The following CTNNA3 variants were observed in gnomAD, a reference collection of about 807,000 sequenced individuals.
CTNNA3 encodes catenin alpha-3.
A neutral mutation model predicts 95.7 loss-of-function variants in CTNNA3; 76 were observed. The observed-to-expected ratio is 0.79, with a 90% confidence interval of 0.66 to 0.96. The LOEUF is 0.96. CTNNA3 is among the 40% of genes least tolerant of loss of function. The probability of loss-of-function intolerance (pLI) is 0.00; values close to 1 mark genes in which losing one functional copy is unlikely to be tolerated. For missense variants in CTNNA3, 1,191 were observed against 1,089.8 expected (o/e 1.09, Z -1.31); for synonymous variants, 431 against 374.4 (o/e 1.15, Z -1.74).
intron 5 of CTNNA3, among the ~76,000 whole-genome samples, chr10:67,437,107 T>C (rs548694847): frequency 6.6e-6 from 1 of 152,252 alleles, no homozygotes; most frequent in Non-Finnish European, 1.5e-5. Context: ...ATAAAGAAAC[T>C]GCAGTAAATA....
At chr10:66,315,560 C>A (rs763451404) in intron 12 of CTNNA3, among the ~76,000 whole-genome samples, 1 of 151,458 alleles carries the variant, frequency 6.6e-6, no homozygotes, top group Non-Finnish European at 1.5e-5. Flanking sequence ...GAACACTGAT[C>A]GTAACTTGGT....
chr10:66,301,595 A>G (rs1323274919), intron 12 of CTNNA3, among the ~76,000 whole-genome samples: 1 of 151,946 alleles, frequency 6.6e-6, no homozygotes, highest in African/African-American at 2.4e-5. Context: ...ACTATAATCC[A>G]TCATATCATT....
intron 10 of CTNNA3, among the ~76,000 whole-genome samples, chr10:66,619,883 A>G (rs1564572880): frequency 6.6e-6 from 1 of 152,106 alleles, no homozygotes; most frequent in African/African-American, 2.4e-5. Context: ...ATGTGTATAC[A>G]AATATATATT....
intron 13 of CTNNA3, among the ~76,000 whole-genome samples, chr10:66,150,279 A>G (rs1249475319): frequency 6.6e-6 from 1 of 152,168 alleles, no homozygotes; most frequent in Admixed American, 6.6e-5. Flanking sequence ...GGCACCATCC[A>G]TGTAAGATGT....
At chr10:66,852,848 C>A (rs1334782978) in intron 7 of CTNNA3, among the ~76,000 whole-genome samples, 1 of 152,086 alleles carries the variant, frequency 6.6e-6, no homozygotes, top group Non-Finnish European at 1.5e-5. Flanking sequence ...TGAAGCATTG[C>A]ATTAGCAGTA....
At chr10:67,677,354 TACAC>T (rs1166006475) in intron 1 of CTNNA3, among the ~76,000 whole-genome samples, 1 of 152,182 alleles carries the variant, frequency 6.6e-6, no homozygotes, top group African/African-American at 2.4e-5. Flanking sequence ...GGGACATACT[TACAC>T]ACGCACGCAT....
chr10:66,199,807 T>TATATA (rs2087269612), intron 13 of CTNNA3, among the ~76,000 whole-genome samples: 2 of 14,910 alleles, frequency 1.3e-4, no homozygotes, highest in African/African-American at 2.6e-4. Context: ...ATATATATAT[T>TATATA]TTTTTTTTTT....
chr10:67,760,920 T>C (rs746531014), intron 1 of CTNNA3, among the ~76,000 whole-genome samples: 4 of 152,192 alleles, frequency 2.6e-5, no homozygotes, highest in Non-Finnish European at 5.9e-5. Context: ...TGTATTTCAT[T>C]ATATATTACA....
rs77622072 is a variant in CTNNA3 at position 66,041,376 on chromosome 10, T to C, written c.2159+27932A>G. On this transcript the variant is annotated intron_variant, in intron 15 of 17. Coordinates refer to ENST00000433211, the MANE Select transcript of CTNNA3 (RefSeq NM_013266.4). ...AGTTCCAATTAGGCCTGTTTAATAG[T>C]AATTAATAGCAGTAATAATAACATT... Among the ~76,000 whole-genome samples the C allele has an allele frequency of 3.2e-3, 486 of 152,260 alleles. 5 individuals are homozygous for C. Among genetic ancestry groups the C allele is most frequent in the African/African-American group, 0.011 (464 of 41,546 alleles).
intron 13 of CTNNA3, among the ~76,000 whole-genome samples, chr10:66,119,745 A>C (rs1178908937): frequency 2.1e-5 from 3 of 142,518 alleles, no homozygotes; most frequent in South Asian, 4.4e-4. Flanking sequence ...GTATTCAATC[A>C]ATTTTTTTTA....
At chr10:66,887,989 G>A (rs140620491) in intron 7 of CTNNA3, among the ~76,000 whole-genome samples, 4 of 152,276 alleles carry the variant, frequency 2.6e-5, no homozygotes, top group African/African-American at 9.6e-5. Flanking sequence ...CTGTGCAGAT[G>A]TGACTAATGG....
intron 15 of CTNNA3, among the ~76,000 whole-genome samples, chr10:66,061,892 A>C (rs918397775): frequency 6.6e-6 from 1 of 152,162 alleles, no homozygotes; most frequent in Non-Finnish European, 1.5e-5. Context: ...ACAACACATA[A>C]CATAATTATT....
chr10:66,076,180 T>C (rs1021146805), intron 14 of CTNNA3, among the ~76,000 whole-genome samples: 2 of 151,688 alleles, frequency 1.3e-5, no homozygotes, highest in Non-Finnish European at 3.0e-5. Flanking sequence ...TCAAATTTAA[T>C]AGTGACATGT....
intron 17 of CTNNA3, among the ~76,000 whole-genome samples, chr10:65,947,108 G>T: frequency 1.4e-5 from 2 of 148,054 alleles, no homozygotes; most frequent in Non-Finnish European, 1.5e-5. Context: ...TTTTTTTGTA[G>T]AATTCATCCA....
intron 16 of CTNNA3, 63 bp downstream of exon 16, chr10:65,988,629 A>G (rs1383355533): frequency 6.0e-6 from 8 of 1,330,628 alleles, no homozygotes; most frequent in Non-Finnish European, 5.3e-6. Context: ...GCCTAAATCA[A>G]TGTTCTAATG....
chr10:65,941,658 G>C (rs2077431905), intron 17 of CTNNA3, among the ~76,000 whole-genome samples: 1 of 152,134 alleles, frequency 6.6e-6, no homozygotes, highest in Non-Finnish European at 1.5e-5. Flanking sequence ...AGTTCAGAAT[G>C]TTACTCTGGT....
chr10:66,637,464 G>C (rs766819780), intron 9 of CTNNA3, among the ~76,000 whole-genome samples: 8 of 152,228 alleles, frequency 5.3e-5, no homozygotes, highest in Non-Finnish European at 1.0e-4. Flanking sequence ...AGGAGTTGGA[G>C]GGCATTTGCC....
chr10:67,719,341 G>A (rs919269016), intron 1 of CTNNA3, among the ~76,000 whole-genome samples: 6 of 151,748 alleles, frequency 4.0e-5, no homozygotes, highest in Non-Finnish European at 8.8e-5. Flanking sequence ...TCTTCTGCTA[G>A]CTTTTGAATT....
At chr10:66,703,312 T>C (rs1848014391) in intron 9 of CTNNA3, among the ~76,000 whole-genome samples, 1 of 152,184 alleles carries the variant, frequency 6.6e-6, no homozygotes, top group African/African-American at 2.4e-5. Flanking sequence ...CCCACACCTC[T>C]CTTCACTGGT....
Sources: allele counts gnomAD v4.1 joint callset (sites outside exome capture counted in the v4.1 genomes callset), GRCh38; gene constraint gnomAD v4.1.1; transcripts MANE v1.5; gene names NCBI Gene and HGNC (gene_info 2026-07-23, HGNC 2026-07-21).